Variants in RACK1 observed in about 807,000 individuals in gnomAD.
RACK1 encodes the protein small ribosomal subunit protein RACK1.
A neutral mutation model predicts 42.2 loss-of-function variants in RACK1; 3 were observed. The ratio of observed to expected loss-of-function variants is 0.07; its 90% CI spans 0.03 to 0.18. The LOEUF is 0.18. RACK1 is among the 10% of genes least tolerant of loss of function. RACK1 has a pLI of 1.00. For missense variants in RACK1, 146 were observed against 403.2 expected, an observed-to-expected ratio of 0.36 and a Z score of 5.46; for synonymous variants, 181 against 154.8, an observed-to-expected ratio of 1.17 and a Z score of -1.25.
chr5:181,241,426 C>CA (rs57063983), intron 3 of RACK1, 66 bp downstream of exon 3: 124,710 of 1,064,022 alleles, frequency 0.12, 218 homozygotes, highest in Non-Finnish European at 0.13. Context: ...AGACTGTCGC[C>CA]AAAAAAAAAA....
At position 181,239,587 on chromosome 5, in the gene RACK1, A is replaced by G; in HGVS notation, c.430-5T>C. On this transcript the variant is annotated splice_polypyrimidine_tract_variant and splice_region_variant and intron_variant, in intron 3 of 7. Transcript: ENST00000512805. ...CCACTCTGAGTGGCTCTCATCCTAC[A>G]GAAGATGGAAAGGAAATTAGGGCAA... is the stretch of plus-strand genomic sequence containing the variant. 1.2e-6 allele frequency: 2 copies of G among 1,602,606 alleles called. No individual in the cohort carries two copies. The highest frequency in any genetic ancestry group is 1.1e-5 in the South Asian group (1 of 90,844).
At chr5:181,239,364 A>G (rs1333729138) in intron 4 of RACK1, 123 bp downstream of exon 4, 5 of 800,866 alleles carry the variant, frequency 6.2e-6, no homozygotes, top group Non-Finnish European at 1.1e-5. Context: ...GGGACATCAG[A>G]CCATGTGACA....
chr5:181,239,556 A>T lies in RACK1; in HGVS notation c.456T>A (p.Ser152=). The part of the protein sequence containing the change: ...VQDESHSEWV[S]CVRFSPNSSN... ...TGCTGTTGGGCGAGAAGCGGACACA[A>T]GACACCCACTCTGAGTGGCTCTCAT... is the stretch of plus-strand genomic sequence containing the variant. The change falls in exon 4 of 8, where the codon TCT becomes TCA. Residue 152 remains serine (S), a synonymous_variant. Coordinates refer to ENST00000512805, the MANE Select transcript of RACK1 (RefSeq NM_006098.5). The T allele has an allele frequency of 6.2e-7, 1 of 1,613,618 alleles. No homozygotes were observed. The highest frequency in any genetic ancestry group is 8.5e-7 in the Non-Finnish European group (1 of 1,179,546).
Position 181,242,343 on chromosome 5 carries a change from T to C in RACK1, c.112A>G (p.Lys38Glu). The stretch of plus-strand genomic sequence containing the variant: ...GTCAGTTTCCACATGATGATGGTCT[T>C]ATCTAAAGGAGGTAAAACAGAAGAA... The part of the protein sequence containing the change: ...PDMILSASRD[K>E]TIIMWKLTRD... The change falls in exon 2 of 8, where the codon AAG becomes GAG. Residue 38 changes from lysine (K) to glutamate (E), a missense_variant and splice_region_variant. Physicochemically the swap from Lys to Glu is moderately conservative, Grantham distance 56. Transcript: ENST00000512805. The C allele has an allele frequency of 6.2e-7, 1 of 1,608,454 alleles. No homozygotes were observed. The highest frequency in any genetic ancestry group is 8.5e-7 in the Non-Finnish European group (1 of 1,176,464).
chr5:181,243,527 G>T, intron 1 of RACK1, 165 bp downstream of exon 1: 1 of 1,402,204 alleles, frequency 7.1e-7, no homozygotes, highest in Non-Finnish European at 9.6e-7. Context: ...TTGAGGCCTA[G>T]GCTCGGGTCC....
intron 4 of RACK1, 91 bp from the exon 5 acceptor site, chr5:181,239,268 C>A: frequency 3.4e-6 from 3 of 871,210 alleles, no homozygotes; most frequent in Non-Finnish European, 2.0e-6. Flanking sequence ...CTTCTGGATA[C>A]GGTAGCCATT....
At position 181,238,492 on chromosome 5, in the gene RACK1, TCTC is replaced by T. The variant is rs1270692573; in HGVS notation, c.637-256_637-254del. ...TCATTTCTGAAAACCAGGATCCCAATCTCATCAACTGCTTCAAGAAACCAACTT... is the reference window on the plus strand; with the variant it reads ...TCATTTCTGAAAACCAGGATCCCAATATCAACTGCTTCAAGAAACCAACTT... On this transcript the variant is annotated intron_variant, in intron 5 of 7. Transcript: ENST00000512805. 9.1e-6 allele frequency: 4 copies of T among 441,786 alleles called. No individual in the cohort carries two copies. The Admixed American group carries it at 1.5e-4, about 17-fold the overall frequency. 27.4% of individuals were successfully genotyped at this position (441,786 alleles called of 1,614,324 possible). A position where few individuals can be genotyped will look rare whatever the true frequency, so the allele number is the denominator to read the frequency against.
intron 4 of RACK1, 107 bp downstream of exon 4, chr5:181,239,376 GAGAA>G (rs777429707): frequency 7.3e-6 from 6 of 823,250 alleles, no homozygotes; most frequent in Admixed American, 3.6e-5. Context: ...CATGTGACAA[GAGAA>G]AGAGTCAACT....
At chr5:181,237,952 A>G in intron 6 of RACK1, 147 bp downstream of exon 6, 4 of 814,582 alleles carry the variant, frequency 4.9e-6, no homozygotes, top group Admixed American at 4.3e-5. Flanking sequence ...GCACACCACA[A>G]CAGAGTTACT....
In RACK1 at chr5:181,237,254, G is replaced by A. The variant is rs139723727; in HGVS notation, c.889-212C>T. 2.2e-4 allele frequency: 203 copies of A among 918,930 alleles called. 1 individual carries two copies. The African/African-American group carries it at 2.9e-3, about 13-fold the overall frequency. The allele number at this position is 918,930 out of a possible 1,614,324, so 56.9% of individuals were successfully genotyped here. The stretch of plus-strand genomic sequence containing the variant: ...GCCTCCAGTAGGCATGTGCCACAAC[G>A]CCGGGTAGACTGTAAGAAACCGCTC... On this transcript the variant is annotated intron_variant, in intron 7 of 7. Transcript: ENST00000512805.
chr5:181,243,367 T>A (rs1488884722), intron 1 of RACK1: 2 of 1,394,250 alleles, frequency 1.4e-6, no homozygotes, highest in Non-Finnish European at 1.9e-6. Flanking sequence ...CATGTTGGGG[T>A]CATCACCGCC....
At position 181,236,910 on chromosome 5, in the gene RACK1, A is replaced by T; in HGVS notation, c.*67T>A. The T allele has an allele frequency of 1.3e-6, 2 of 1,529,168 alleles. No homozygotes were observed. The highest frequency in any genetic ancestry group is 2.3e-5 in the Admixed American group (1 of 42,648). 94.7% of individuals were successfully genotyped at this position (1,529,168 alleles called of 1,614,324 possible). A position where few individuals can be genotyped will look rare whatever the true frequency, so the allele number is the denominator to read the frequency against. ...ATAGAATGGAGCTTTTTTGCATATA[A>T]GAAAAAAAAACCTAAAAGTCAGAAA... is the stretch of plus-strand genomic sequence containing the variant. On this transcript the variant is annotated 3_prime_UTR_variant, in exon 8 of 8. Coordinates refer to ENST00000512805, the MANE Select transcript of RACK1 (RefSeq NM_006098.5).
At chr5:181,242,068 G>T in intron 2 of RACK1, 106 bp downstream of exon 2, 1 of 1,024,692 alleles carries the variant, frequency 9.8e-7, no homozygotes, top group Non-Finnish European at 1.5e-6. Flanking sequence ...CTGCTTTCCA[G>T]TTCCCAAATG....
chr5:181,241,411 G>A, intron 3 of RACK1, 81 bp downstream of exon 3: 5 of 1,255,014 alleles, frequency 4.0e-6, no homozygotes, highest in African/African-American at 1.8e-5. Context: ...GCTTGGGCAA[G>A]AGTGAGACTG....
At chr5:181,241,699 C>T (rs1759351650) in intron 2 of RACK1, 60 bp from the exon 3 acceptor site, 3 of 1,566,100 alleles carry the variant, frequency 1.9e-6, no homozygotes, top group African/African-American at 2.7e-5. Context: ...AACGGTCAGA[C>T]TCATTTCCTG....
At chr5:181,243,519 G>GAGGCCTAGGCTCGGGTCC (rs1306822927) in intron 1 of RACK1, 173 bp downstream of exon 1, 18 of 1,410,890 alleles carry the variant, frequency 1.3e-5, no homozygotes, top group Non-Finnish European at 1.7e-5. Flanking sequence ...CGCCCGGGTT[G>GAGGCCTAGGCTCGGGTCC]AGGCCTAGGC....
intron 4 of RACK1, 121 bp from the exon 5 acceptor site, chr5:181,239,298 C>T: frequency 1.3e-6 from 1 of 785,674 alleles, no homozygotes; most frequent in South Asian, 1.4e-5. Flanking sequence ...GTAACATGTC[C>T]TGGCCACTTC....
intron 1 of RACK1, chr5:181,242,718 C>T (rs1466354067): frequency 2.8e-6 from 1 of 355,742 alleles, no homozygotes; most frequent in East Asian, 7.8e-5. Context: ...TGGCACCTGC[C>T]AGCACGTCTG....
At chr5:181,237,255 C>A in intron 7 of RACK1, 1 of 906,410 alleles carries the variant, frequency 1.1e-6, no homozygotes, top group Non-Finnish European at 1.8e-6. Flanking sequence ...TGCCACAACG[C>A]CGGGTAGACT....
Sources: gnomAD v4.1 joint callset for allele counts on GRCh38, gnomAD v4.1.1 for gene constraint, MANE v1.5 for transcripts, NCBI Gene and HGNC (gene_info 2026-07-23, HGNC 2026-07-21) for gene names.